Variants in C1orf94 observed in about 807,000 individuals in gnomAD.
C1orf94 encodes the protein uncharacterized protein C1orf94.
C1orf94 carries 45 observed loss-of-function variants against 53.6 expected under a neutral mutation model. That is an observed-to-expected ratio of 0.84 (90% CI 0.66 to 1.08). The LOEUF is 1.08. Ranked by LOEUF, C1orf94 falls within the 50% of genes least tolerant of loss-of-function variation. The pLI, the probability that C1orf94 is intolerant of heterozygous loss-of-function variation, is 0.00. For missense variants in C1orf94, 762 were observed against 738.9 expected (o/e 1.03, Z -0.36); for synonymous variants, 304 against 296.1 (o/e 1.03, Z -0.27).
intron 1 of C1orf94, among the ~76,000 whole-genome samples, chr1:34,187,556 C>T (rs1045286680): frequency 2.6e-5 from 4 of 151,304 alleles, no homozygotes; most frequent in Admixed American, 1.3e-4. Context: ...TTTGTTGCAA[C>T]GTTATTTCCA....
Position 34,177,964 on chromosome 1 carries a change from C to A in C1orf94, c.175C>A (p.Gln59Lys), listed in dbSNP as rs201119842. The change falls in exon 1 of 7, where the codon CAA becomes AAA. Residue 59 changes from glutamine (Q) to lysine (K), a missense_variant. Coordinates refer to ENST00000488417, the MANE Select transcript of C1orf94 (RefSeq NM_001134734.2). The part of the protein sequence containing the change: ...RYIWIHQDTP[Q>K]DSLDKTCHEI... The stretch of plus-strand genomic sequence containing the variant: ...CATCTGGATCCACCAGGACACACCC[C>A]AAGACAGCCTAGACAAGACTTGCCA... 4 of 1,551,742 alleles carry A rather than the reference C, an allele frequency of 2.6e-6. No homozygotes were observed. Among genetic ancestry groups the A allele is most frequent in the Non-Finnish European group, 3.5e-6 (4 of 1,147,002 alleles).
At chr1:34,209,507 G>A (rs915966208) in intron 5 of C1orf94, among the ~76,000 whole-genome samples, 1 of 152,106 alleles carries the variant, frequency 6.6e-6, no homozygotes, top group Admixed American at 6.6e-5. Context: ...GCCTGCCATA[G>A]CACCAGGCTG....
intron 1 of C1orf94, among the ~76,000 whole-genome samples, chr1:34,189,683 G>GTGTATGT (rs776855956): frequency 2.6e-5 from 4 of 152,182 alleles, no homozygotes; most frequent in Non-Finnish European, 5.9e-5. Context: ...ACATGATAAG[G>GTGTATGT]GGCCTCTCCT....
At chr1:34,192,808 G>A (rs1477214303) in intron 1 of C1orf94, among the ~76,000 whole-genome samples, 1 of 152,186 alleles carries the variant, frequency 6.6e-6, no homozygotes, top group Non-Finnish European at 1.5e-5. Context: ...GTTGCAGGGA[G>A]AAGCATTCCA....
intron 1 of C1orf94, among the ~76,000 whole-genome samples, chr1:34,196,051 G>C (rs1771362): frequency 0.065 from 9,947 of 152,234 alleles, 885 homozygotes; most frequent in African/African-American, 0.21. Context: ...AGGCTGAGTA[G>C]TTTCCAGAAT....
rs1048713708 is a variant in C1orf94, at chr1:34,177,275, C to T, written c.-515C>T. Among the ~76,000 whole-genome samples, 1 of 152,222 alleles carries T rather than the reference C, an allele frequency of 6.6e-6. No homozygotes were observed. The highest frequency in any genetic ancestry group is 2.4e-5 in the African/African-American group (1 of 41,470). On this transcript the variant is annotated 5_prime_UTR_variant, in exon 1 of 7. Transcript: ENST00000488417. ...CCGTTGACGCTCGCTCTGCGAGGGG[C>T]TCCCTGGGAACGCCCAGGCGAGCGC...
intron 6 of C1orf94, among the ~76,000 whole-genome samples, chr1:34,214,642 A>G (rs1010897766): frequency 5.9e-5 from 9 of 152,176 alleles, no homozygotes; most frequent in African/African-American, 2.2e-4. Context: ...GGGTGGTCTC[A>G]ATGTCTCCTC....
At chr1:34,199,389 A>G (rs1269152388) in intron 2 of C1orf94, among the ~76,000 whole-genome samples, 1 of 152,180 alleles carries the variant, frequency 6.6e-6, no homozygotes, top group Non-Finnish European at 1.5e-5. Flanking sequence ...GAACTCCTGG[A>G]AAAGACTCTA....
At chr1:34,216,290 T>TAGAGA (rs1642986411) in intron 6 of C1orf94, among the ~76,000 whole-genome samples, 1 of 151,988 alleles carries the variant, frequency 6.6e-6, no homozygotes, top group Non-Finnish European at 1.5e-5. Context: ...TACACAAGTA[T>TAGAGA]AGAGAAGAGA....
intron 1 of C1orf94, among the ~76,000 whole-genome samples, chr1:34,170,959 A>G (rs1211845837): frequency 6.6e-6 from 1 of 152,150 alleles, no homozygotes; most frequent in African/African-American, 2.4e-5. Flanking sequence ...CAGGTTACTT[A>G]CAACAACTGA....
chr1:34,188,764 C>T (rs7535080), intron 1 of C1orf94, among the ~76,000 whole-genome samples: 5,619 of 152,262 alleles, frequency 0.037, 175 homozygotes, highest in South Asian at 0.094. Flanking sequence ...AAGCTTTCTC[C>T]AGCCCTAAGC....
At chr1:34,194,574 T>A (rs777764981) in intron 1 of C1orf94, among the ~76,000 whole-genome samples, 9 of 152,244 alleles carry the variant, frequency 5.9e-5, no homozygotes, top group Non-Finnish European at 1.2e-4. Context: ...TAGTGTGTGA[T>A]GACCCTATGT....
chr1:34,175,647 T>C (rs1300855222), upstream of C1orf94, among the ~76,000 whole-genome samples: 1 of 152,178 alleles, frequency 6.6e-6, no homozygotes, highest in Non-Finnish European at 1.5e-5. Context: ...GGGCACCTAC[T>C]GTATACCAGG....
At chr1:34,171,888 A>C (rs114467918) in intron 1 of C1orf94, among the ~76,000 whole-genome samples, 2,874 of 152,306 alleles carry the variant, frequency 0.019, 110 homozygotes, top group African/African-American at 0.065. Flanking sequence ...TACCTCCATG[A>C]GGCCTGACCA....
chr1:34,184,278 G>A (rs553405902), intron 1 of C1orf94, among the ~76,000 whole-genome samples: 9 of 152,312 alleles, frequency 5.9e-5, no homozygotes, highest in Non-Finnish European at 1.2e-4. Context: ...TATGGAAAGA[G>A]CCCAGCAGCA....
intron 3 of C1orf94, among the ~76,000 whole-genome samples, 172 bp downstream of exon 3, chr1:34,201,204 G>A (rs758867648): frequency 1.3e-5 from 2 of 152,096 alleles, no homozygotes; most frequent in Admixed American, 6.5e-5. Context: ...TCCCTTGTTG[G>A]GAATACAGTT....
intron 1 of C1orf94, among the ~76,000 whole-genome samples, chr1:34,196,250 G>A (rs76515573): frequency 0.025 from 3,877 of 152,284 alleles, 57 homozygotes; most frequent in Admixed American, 0.052. Context: ...GTGGCAACGA[G>A]GAGCCTAAAA....
At chr1:34,205,920 A>C (rs1309016888) in intron 4 of C1orf94, among the ~76,000 whole-genome samples, 2 of 152,202 alleles carry the variant, frequency 1.3e-5, no homozygotes, top group South Asian at 2.1e-4. Flanking sequence ...GTGCGTGGGA[A>C]GGGACCATGG....
intron 1 of C1orf94, among the ~76,000 whole-genome samples, chr1:34,196,909 G>A (rs1437483656): frequency 1.3e-5 from 2 of 152,158 alleles, no homozygotes; most frequent in Non-Finnish European, 2.9e-5. Flanking sequence ...TTCAGGTTCT[G>A]AGCATGAAGA....
Sources: gnomAD v4.1 joint callset for allele counts (sites outside exome capture counted in the v4.1 genomes callset) on GRCh38, gnomAD v4.1.1 for gene constraint, MANE v1.5 for transcripts, NCBI Gene and HGNC (gene_info 2026-07-23, HGNC 2026-07-21) for gene names.